The following IPPK variants were observed in gnomAD, a reference collection of about 807,000 sequenced individuals.
The protein encoded by IPPK is inositol-pentakisphosphate 2-kinase.
Under a neutral mutation model 64.6 loss-of-function variants are expected in IPPK, and 22 were observed. That is an observed-to-expected ratio of 0.34 (90% confidence interval 0.24 to 0.49). The LOEUF is 0.49. Ranked by LOEUF, IPPK falls within the 20% of genes least tolerant of loss-of-function variation. The pLI is 0.99. For synonymous variants in IPPK, 262 were observed against 247.2 expected (o/e 1.06, Z -0.56); for missense variants, 532 against 630.7 (o/e 0.84, Z 1.68).
At position 92,613,206 on chromosome 9, in the gene IPPK, A is replaced by C; in HGVS notation, c.*2626T>G. On this transcript the variant is annotated 3_prime_UTR_variant, in exon 13 of 13. Transcript: ENST00000287996. The stretch of plus-strand genomic sequence containing the variant: ...GCTGCGTGGAGGAACATGCAATTTT[A>C]TTCAATATAAACATTTGCTATTTTC... 1 of 1,607,852 alleles carries C rather than the reference A, an allele frequency of 6.2e-7. No homozygotes were observed. Among genetic ancestry groups the C allele is most frequent in the Non-Finnish European group, 8.5e-7 (1 of 1,174,772 alleles).
intron 6 of IPPK, among the ~76,000 whole-genome samples, chr9:92,645,438 G>GT (rs1278742045): frequency 2.0e-5 from 3 of 152,036 alleles, no homozygotes; most frequent in Non-Finnish European, 4.4e-5. Context: ...GAAAAGTACA[G>GT]TAACTAAAAT....
intron 12 of IPPK, chr9:92,618,084 CCA>C (rs1283408264): frequency 2.7e-5 from 10 of 369,536 alleles, no homozygotes; most frequent in African/African-American, 1.7e-4. Context: ...CTCTAGAGCA[CCA>C]CAGTTACTGG....
rs1851408252 is a variant in IPPK, at chr9:92,615,725, A to G, written c.*107T>C. The G allele has an allele frequency of 1.1e-6, 1 of 919,090 alleles. No homozygotes were observed. Among genetic ancestry groups the G allele is most frequent in the East Asian group, 2.6e-5 (1 of 39,188 alleles). The allele number at this position is 919,090 out of a possible 1,614,324, so 56.9% of individuals were successfully genotyped here. ...AGGCAATCCCACCTCAAAAGGGGTT[A>G]AAAGCAAAAACATTCACAACCAAAG... is the stretch of plus-strand genomic sequence containing the variant. On this transcript the variant is annotated 3_prime_UTR_variant, in exon 13 of 13. Transcript: ENST00000287996.
rs1020149633 is a variant in IPPK, at chr9:92,635,684, G to C, written c.917-376C>G. On this transcript the variant is annotated intron_variant, in intron 9 of 12. Transcript: ENST00000287996. The surrounding 1 kb of genome is among the most constrained non-coding windows in gnomAD (Gnocchi z 4.4). Reference sequence around the variant, plus strand: ...AGTTTAGACATAATCCTCATTTTAAGTCAGGTCACAAAATTTCTTCTTTTT... The same window carrying C: ...AGTTTAGACATAATCCTCATTTTAACTCAGGTCACAAAATTTCTTCTTTTT... Among the ~76,000 whole-genome samples, 3 of 151,822 alleles carry C rather than the reference G, an allele frequency of 2.0e-5. No homozygotes were observed. Among genetic ancestry groups the C allele is most frequent in the Non-Finnish European group, 2.9e-5 (2 of 67,954 alleles).
At chr9:92,652,522 A>G in intron 4 of IPPK, 51 bp downstream of exon 4, 1 of 994,464 alleles carries the variant, frequency 1.0e-6, no homozygotes. Context: ...AACACTTTTC[A>G]AATGGAATAT....
chr9:92,632,067 T>A (rs1851855918), intron 11 of IPPK, among the ~76,000 whole-genome samples: 1 of 152,242 alleles, frequency 6.6e-6, no homozygotes. Flanking sequence ...TTTTTGGTGC[T>A]GAGCAGAGTT....
chr9:92,633,984 G>T (rs1851891400), intron 11 of IPPK, among the ~76,000 whole-genome samples: 1 of 152,244 alleles, frequency 6.6e-6, no homozygotes, highest in South Asian at 2.1e-4. Flanking sequence ...GGTTCTAAGG[G>T]AAGGAAGCCG....
chr9:92,634,631 T>C, intron 10 of IPPK, 143 bp from the exon 11 acceptor site: 1 of 640,368 alleles, frequency 1.6e-6, no homozygotes, highest in Non-Finnish European at 2.8e-6. Flanking sequence ...ATCTCCCTCA[T>C]GTTAAACATC....
At position 92,670,050 on chromosome 9, in the gene IPPK, C is replaced by A; in HGVS notation, c.-62G>T. 3 of 1,278,320 alleles carry A rather than the reference C, an allele frequency of 2.3e-6. No homozygotes were observed. Among genetic ancestry groups the A allele is most frequent in the Non-Finnish European group, 3.3e-6 (3 of 914,764 alleles). 79.2% of individuals were successfully genotyped at this position (1,278,320 alleles called of 1,614,324 possible). On this transcript the variant is annotated 5_prime_UTR_variant, in exon 1 of 13. Coordinates refer to ENST00000287996, the MANE Select transcript of IPPK (RefSeq NM_022755.6). ...TCGGGGACGCGAGCTGGGGGCCGCC[C>A]GCCTCGCTGGGAACCAGCCGCTGCG...
chr9:92,642,219 C>T (rs925053965), intron 7 of IPPK, among the ~76,000 whole-genome samples: 5 of 152,376 alleles, frequency 3.3e-5, no homozygotes, highest in South Asian at 2.1e-4. Flanking sequence ...TGGCCAGGAC[C>T]GGACTCTGGG....
chr9:92,643,045 C>CCA (rs1852082862), intron 6 of IPPK, among the ~76,000 whole-genome samples: 1 of 152,222 alleles, frequency 6.6e-6, no homozygotes, highest in Admixed American at 6.5e-5. Flanking sequence ...GGCGTGGCCC[C>CCA]CAGGCCAGCC....
intron 11 of IPPK, among the ~76,000 whole-genome samples, chr9:92,631,336 C>T (rs933943453): frequency 1.6e-4 from 25 of 151,940 alleles, no homozygotes; most frequent in Non-Finnish European, 3.1e-4. Flanking sequence ...GCTGGAACTA[C>T]AGGCATGCAC....
chr9:92,618,731 C>T (rs1279861084), intron 12 of IPPK: 1 of 359,760 alleles, frequency 2.8e-6, no homozygotes, highest in African/African-American at 2.1e-5. Context: ...GGAAAGTAAA[C>T]AATTCTGTGC....
chr9:92,634,278 T>C lies in IPPK; in HGVS notation c.1170+108A>G, dbSNP rs1429601439. ...TCTTTTTGATCCCAAGTTTTCTGCT[T>C]TAAACCTCAGGGGTAGGTAATGGAA... On this transcript the variant is annotated intron_variant, in intron 11 of 12. Coordinates refer to ENST00000287996, the MANE Select transcript of IPPK (RefSeq NM_022755.6). 5 of 722,386 alleles carry C rather than the reference T, an allele frequency of 6.9e-6. No homozygotes were observed. The East Asian group carries it at 7.9e-5, about 11-fold the overall frequency. The allele number at this position is 722,386 out of a possible 1,614,324, so 44.7% of individuals were successfully genotyped here. A position where few individuals can be genotyped will look rare whatever the true frequency, so the allele number is the denominator to read the frequency against.
Position 92,615,761 on chromosome 9 carries a change from A to C in IPPK, c.*71T>G. 7.7e-7 allele frequency: 1 copy of C among 1,302,586 alleles called. No homozygotes were observed. The highest frequency in any genetic ancestry group is 1.1e-6 in the Non-Finnish European group (1 of 909,426). The allele number at this position is 1,302,586 out of a possible 1,614,324, so 80.7% of individuals were successfully genotyped here. ...CATTCACAACCAAAGGTCACCCAACACAACAGAAAATATCTCTATCATTCA... is the reference window on the plus strand; with the variant it reads ...CATTCACAACCAAAGGTCACCCAACCCAACAGAAAATATCTCTATCATTCA... On this transcript the variant is annotated 3_prime_UTR_variant, in exon 13 of 13. Coordinates refer to ENST00000287996, the MANE Select transcript of IPPK (RefSeq NM_022755.6).
chr9:92,643,621 T>C (rs761181757), intron 6 of IPPK, among the ~76,000 whole-genome samples: 2 of 150,460 alleles, frequency 1.3e-5, no homozygotes, highest in Admixed American at 6.6e-5. Flanking sequence ...TGTGCAAATA[T>C]CCATGCATAT....
chr9:92,669,989 G>T lies in IPPK; in HGVS notation c.-1C>A. On this transcript the variant is annotated 5_prime_UTR_variant, in exon 1 of 13. Transcript: ENST00000287996. ...TCTCGTCCATCTTCCCCTCTTCCAT[G>T]CCCAGGCGCAGCCCTGGCGCCTCGC... is the stretch of plus-strand genomic sequence containing the variant. 7.5e-6 allele frequency: 12 copies of T among 1,609,960 alleles called. No homozygotes were observed. The highest frequency in any genetic ancestry group is 1.0e-5 in the Non-Finnish European group (12 of 1,178,138).
At chr9:92,642,676 C>T in intron 7 of IPPK, 76 bp downstream of exon 7, 1 of 1,276,464 alleles carries the variant, frequency 7.8e-7, no homozygotes, top group Non-Finnish European at 1.1e-6. Context: ...AAATACCCCC[C>T]ACCAGGCACT....
intron 2 of IPPK, among the ~76,000 whole-genome samples, chr9:92,657,896 C>CCCTCAAGGGGGGCT (rs1172840581): frequency 6.6e-6 from 1 of 152,018 alleles, no homozygotes; most frequent in Non-Finnish European, 1.5e-5. Flanking sequence ...GTCCCAGGAG[C>CCCTCAAGGGGGGCT]CCTCAAGGGG....
Sources: allele counts gnomAD v4.1 joint callset (sites outside exome capture counted in the v4.1 genomes callset), GRCh38; gene constraint gnomAD v4.1.1; non-coding constraint Gnocchi (gnomAD v3.1); transcripts MANE v1.5; gene names NCBI Gene and HGNC (gene_info 2026-07-23, HGNC 2026-07-21).